ABCA1: variants seen among roughly 807,000 people sequenced by gnomAD.
ABCA1 encodes the protein phospholipid-transporting ATPase ABCA1.
In ABCA1, 133 loss-of-function variants were observed where a neutral mutation model predicts 262.5. The observed-to-expected ratio is 0.51, with a 90% confidence interval of 0.44 to 0.59. The LOEUF (loss-of-function observed/expected upper bound fraction) is 0.59. ABCA1 is among the 20% of genes least tolerant of loss of function. The pLI is 0.00. For synonymous variants in ABCA1, 1,022 were observed against 1,043.5 expected, an observed-to-expected ratio of 0.98 and a Z score of 0.40; for missense variants, 2,452 against 2,777.5, an observed-to-expected ratio of 0.88 and a Z score of 2.63.
intron 5 of ABCA1, among the ~76,000 whole-genome samples, chr9:104,865,317 G>A (rs1213480308): frequency 6.6e-6 from 1 of 152,060 alleles, no homozygotes; most frequent in Non-Finnish European, 1.5e-5. Flanking sequence ...TTGAGGTCAG[G>A]AGTTTGAGAT....
chr9:104,810,628 G>C (rs1361868184), intron 29 of ABCA1, among the ~76,000 whole-genome samples, 172 bp downstream of exon 29: 1 of 152,198 alleles, frequency 6.6e-6, no homozygotes, highest in African/African-American at 2.4e-5. Flanking sequence ...CTATTATTCA[G>C]GGTTAGTTCG....
chr9:104,832,456 GT>G (rs1833429857), intron 12 of ABCA1, 117 bp downstream of exon 12: 1 of 1,135,374 alleles, frequency 8.8e-7, no homozygotes, highest in Admixed American at 1.9e-5. Context: ...TTGAGGGATA[GT>G]TTTGTAAATG....
At chr9:104,918,849 A>G (rs950040725) in intron 1 of ABCA1, among the ~76,000 whole-genome samples, 1 of 152,108 alleles carries the variant, frequency 6.6e-6, no homozygotes, top group Non-Finnish European at 1.5e-5. Flanking sequence ...TAAATACCAG[A>G]TCCAACAGAT....
intron 5 of ABCA1, among the ~76,000 whole-genome samples, chr9:104,870,366 A>G (rs904800905): frequency 1.3e-5 from 2 of 152,216 alleles, no homozygotes; most frequent in Non-Finnish European, 2.9e-5. Context: ...CTAAGAGGAG[A>G]TGGCCAGAGG....
chr9:104,819,821 C>A (rs1410861641), intron 21 of ABCA1, 98 bp from the exon 22 acceptor site: 1 of 1,610,052 alleles, frequency 6.2e-7, no homozygotes, highest in East Asian at 2.2e-5. Context: ...GTTTCTGTTA[C>A]CAACCGCACC....
chr9:104,824,726 T>G, intron 17 of ABCA1, 148 bp from the exon 18 acceptor site: 1 of 1,003,872 alleles, frequency 1.0e-6, no homozygotes, highest in Non-Finnish European at 1.5e-6. Flanking sequence ...TAACATTTGC[T>G]GAAACCTGCT....
In ABCA1 at chr9:104,822,598, CG is replaced by C. The variant is rs1554714092; in HGVS notation, c.2725del (p.Arg909GlufsTer4). 1 of 1,614,116 alleles carries C rather than the reference CG, an allele frequency of 6.2e-7. No homozygotes were observed. The highest frequency in any genetic ancestry group is 8.5e-7 in the Non-Finnish European group (1 of 1,180,016). ...ATCGACAGCCACCTTCATCCCATCT[CG>C]GTAGACTTTTACCAGGTTCTGAATG... ...VSIQNLVKVYRDGMKVAVDGL... is the reference protein window; with the variant it reads ...VSIQNLVKVYXDGMKVAVDGL... On this transcript the variant is annotated frameshift_variant, in exon 19 of 50. Transcript: ENST00000374736. LOFTEE classifies it high-confidence loss of function.
intron 36 of ABCA1, 22 bp from the exon 37 acceptor site, chr9:104,798,620 A>G (rs1311457254): frequency 6.2e-7 from 1 of 1,610,848 alleles, no homozygotes; most frequent in African/African-American, 1.3e-5. Flanking sequence ...AAGCGTGTGA[A>G]AATCTGAGGG....
chr9:104,784,970 C>G (rs1031184767), intron 49 of ABCA1, among the ~76,000 whole-genome samples: 9 of 152,130 alleles, frequency 5.9e-5, no homozygotes, highest in South Asian at 2.1e-4. Flanking sequence ...TATCGCCCCC[C>G]ACCCCTACAT....
intron 3 of ABCA1, among the ~76,000 whole-genome samples, chr9:104,887,884 G>A (rs897835392): frequency 3.3e-5 from 5 of 151,792 alleles, no homozygotes; most frequent in Non-Finnish European, 5.9e-5. Flanking sequence ...GCGCCACCAC[G>A]CCTGGCTAAT....
At position 104,782,227 on chromosome 9, in the gene ABCA1, G is replaced by A. The variant is rs559234929; in HGVS notation, c.*2088C>T. The A allele has an allele frequency of 4.6e-5, 7 of 152,100 alleles. No homozygotes were observed. Among genetic ancestry groups the A allele is most frequent in the Non-Finnish European group, 7.4e-5 (5 of 67,926 alleles). The allele number at this position is 152,100 out of a possible 1,614,324, so 9.4% of individuals were successfully genotyped here. A position where few individuals can be genotyped will look rare whatever the true frequency, so the allele number is the denominator to read the frequency against. On this transcript the variant is annotated 3_prime_UTR_variant, in exon 50 of 50. Coordinates refer to ENST00000374736, the MANE Select transcript of ABCA1 (RefSeq NM_005502.4). ...TTTTGAAGATACTGTAAAATGCAAC[G>A]ATGCCATATCACTAGTTATTGGAAA...
chr9:104,798,693 C>T (rs958664719), intron 36 of ABCA1, 95 bp from the exon 37 acceptor site: 1 of 1,028,274 alleles, frequency 9.7e-7, no homozygotes. Flanking sequence ...CACACACGTA[C>T]ACACACACAG....
At position 104,820,073 on chromosome 9, in the gene ABCA1, G is replaced by GCCC; in HGVS notation, c.2961-5_2961-4insGGG. 1 of 1,614,142 alleles carries GCCC rather than the reference G, an allele frequency of 6.2e-7. No individual in the cohort carries two copies. The highest frequency in any genetic ancestry group is 1.1e-5 in the South Asian group (1 of 91,082). ...GATGTGTTCTTCGACAGTCAGCCTG[G>GCCC]GGACAGGGAGGCAGGTCAGCTCTGG... On this transcript the variant is annotated splice_region_variant and splice_polypyrimidine_tract_variant and intron_variant, in intron 20 of 49. Transcript: ENST00000374736.
chr9:104,804,639 T>A lies in ABCA1; in HGVS notation c.4546A>T (p.Ile1516Phe). 1 of 1,614,198 alleles carries A rather than the reference T, an allele frequency of 6.2e-7. No homozygotes were observed. The highest frequency in any genetic ancestry group is 8.5e-7 in the Non-Finnish European group (1 of 1,180,000). ...GTAAAAAGTCACCTTTTGGCTATGATCTGCACATACGTCTTCACCAGATAA... is the reference window on the plus strand; with the variant it reads ...GTAAAAAGTCACCTTTTGGCTATGAACTGCACATACGTCTTCACCAGATAA... ...SDYLVKTYVQ[I>F]IAKSLKNKIW... Residue 1516 changes from isoleucine (I) to phenylalanine (F), a missense_variant, in exon 32 of 50, where the codon ATC becomes TTC. This residue lies in a region of ABCA1 where 752 missense variants were observed against 944.5 expected (regional missense o/e 0.80). Coordinates refer to ENST00000374736, the MANE Select transcript of ABCA1 (RefSeq NM_005502.4).
intron 5 of ABCA1, among the ~76,000 whole-genome samples, chr9:104,875,480 C>A (rs568774339): frequency 6.6e-6 from 1 of 152,110 alleles, no homozygotes; most frequent in Non-Finnish European, 1.5e-5. Flanking sequence ...CATACTCAGT[C>A]GGGATGGCAG....
At chr9:104,904,552 G>A (rs1366687381) in intron 1 of ABCA1, among the ~76,000 whole-genome samples, 7 of 144,498 alleles carry the variant, frequency 4.8e-5, no homozygotes, top group African/African-American at 7.8e-5. Flanking sequence ...GCGACAGAGC[G>A]AGACTCTGTC....
chr9:104,927,763 C>G (rs1204194814), intron 1 of ABCA1, 172 bp downstream of exon 1: 1 of 152,308 alleles, frequency 6.6e-6, no homozygotes, highest in Non-Finnish European at 1.5e-5. Flanking sequence ...CACCAGAGCT[C>G]GTACTAGGAC....
chr9:104,794,534 G>GA, intron 39 of ABCA1, 24 bp from the exon 40 acceptor site: 5 of 1,136,248 alleles, frequency 4.4e-6, no homozygotes, highest in Non-Finnish European at 6.5e-6. Flanking sequence ...AAAAAAATGG[G>GA]AGGGAAGGGA....
chr9:104,798,044 T>C (rs1218769465), intron 37 of ABCA1, among the ~76,000 whole-genome samples: 1 of 152,218 alleles, frequency 6.6e-6, no homozygotes, highest in Admixed American at 6.5e-5. Context: ...AAATGACAGA[T>C]GGCTTTCCTA....
Sources: gnomAD v4.1 joint callset for allele counts (sites outside exome capture counted in the v4.1 genomes callset) on GRCh38, gnomAD v4.1.1 for gene constraint, gnomAD v4.1.1 regional missense constraint, MANE v1.5 for transcripts, NCBI Gene and HGNC (gene_info 2026-07-23, HGNC 2026-07-21) for gene names.